ZBTB16: variants seen among roughly 807,000 people sequenced by gnomAD.
The protein encoded by ZBTB16 is zinc finger and BTB domain-containing protein 16.
Under a neutral mutation model 56.8 loss-of-function variants are expected in ZBTB16, and 8 were observed. The observed-to-expected ratio is 0.14, with a 90% confidence interval of 0.08 to 0.25. The LOEUF (loss-of-function observed/expected upper bound fraction) is 0.25. ZBTB16 is among the 10% of genes least tolerant of loss of function. ZBTB16 has a pLI of 1.00. For synonymous variants in ZBTB16, 363 were observed against 368.5 expected (o/e 0.98, Z 0.17); for missense variants, 625 against 903.0 (o/e 0.69, Z 3.95).
chr11:114,097,868 T>C (rs1311300480), intron 2 of ZBTB16, among the ~76,000 whole-genome samples: 1 of 152,210 alleles, frequency 6.6e-6, no homozygotes, highest in East Asian at 1.9e-4. Flanking sequence ...AATAATTAAA[T>C]AATATCTGTG....
rs752084825 is a variant in ZBTB16 at position 114,156,334 on chromosome 11, C to T, written c.1269-3C>T. On this transcript the variant is annotated splice_region_variant and splice_polypyrimidine_tract_variant and intron_variant, in intron 2 of 6. Transcript: ENST00000335953. The stretch of plus-strand genomic sequence containing the variant: ...GCAACCTCTCTTTTCCTTTCCCTTA[C>T]AGGAAGCTGCACAGTGGGATGAAGA... The T allele has an allele frequency of 9.9e-6, 16 of 1,614,088 alleles. No individual in the cohort carries two copies. Among genetic ancestry groups the T allele is most frequent in the Admixed American group, 8.3e-5 (5 of 60,010 alleles).
rs1944953700 is a variant in ZBTB16 at position 114,253,646 on chromosome 11, C to T, written c.*3091C>T. ...AGGGGAGTGTGGTTTCTGAGGGCTA[C>T]TGTCTGGGGACACCTCTGAACTTAC... On this transcript the variant is annotated 3_prime_UTR_variant, in exon 7 of 7. Transcript: ENST00000335953. Among the ~76,000 whole-genome samples the T allele has an allele frequency of 6.6e-6, 1 of 152,206 alleles. No homozygotes were observed. Among genetic ancestry groups the T allele is most frequent in the African/African-American group, 2.4e-5 (1 of 41,460 alleles).
In ZBTB16 at chr11:114,183,537, G is replaced by A. The variant is rs190273796; in HGVS notation, c.1367-3415G>A. Among the ~76,000 whole-genome samples the A allele has an allele frequency of 6.2e-3, 947 of 152,348 alleles. 29 individuals carry two copies. The highest frequency in any genetic ancestry group is 0.056 in the Admixed American group (864 of 15,306). On this transcript the variant is annotated intron_variant, in intron 3 of 6. Transcript: ENST00000335953. ...GCGCCACATCCCTTGGAAGCCTGTG[G>A]CATGGTGGGCTTCTCGCCGATTGGA...
intron 4 of ZBTB16, among the ~76,000 whole-genome samples, chr11:114,215,069 T>C (rs1944070008): frequency 6.6e-6 from 1 of 151,852 alleles, no homozygotes; most frequent in African/African-American, 2.4e-5. Flanking sequence ...CTGTGTCCAG[T>C]TAATTGAATT....
At chr11:114,139,839 G>A (rs1295795243) in intron 2 of ZBTB16, among the ~76,000 whole-genome samples, 1 of 152,208 alleles carries the variant, frequency 6.6e-6, no homozygotes, top group African/African-American at 2.4e-5. Context: ...ATGGGCGGCT[G>A]TGGAGGAGGC....
intron 3 of ZBTB16, among the ~76,000 whole-genome samples, chr11:114,165,950 ATTTCACATGC>A (rs1252489082): frequency 5.9e-5 from 9 of 152,152 alleles, no homozygotes; most frequent in Non-Finnish European, 1.3e-4. Flanking sequence ...ACATCATGGT[ATTTCACATGC>A]TCTTCTCAGT....
chr11:114,209,989 C>A (rs946992618), intron 4 of ZBTB16: 2 of 982,720 alleles, frequency 2.0e-6, no homozygotes, highest in Admixed American at 1.2e-4. Context: ...AGACTTCAGA[C>A]AAGTTGCTTG....
At chr11:114,239,219 G>A (rs1266474788) in intron 4 of ZBTB16, among the ~76,000 whole-genome samples, 2 of 152,204 alleles carry the variant, frequency 1.3e-5, no homozygotes, top group African/African-American at 4.8e-5. Context: ...TATAGGCTGA[G>A]ATGTCCTATT....
At chr11:114,136,906 A>G (rs937778458) in intron 2 of ZBTB16, among the ~76,000 whole-genome samples, 1 of 152,078 alleles carries the variant, frequency 6.6e-6, no homozygotes, top group African/African-American at 2.4e-5. Flanking sequence ...CACATGTCCT[A>G]TACTCACACT....
chr11:114,075,079 G>C (rs944845985), intron 2 of ZBTB16, among the ~76,000 whole-genome samples: 1 of 152,188 alleles, frequency 6.6e-6, no homozygotes, highest in Non-Finnish European at 1.5e-5. Flanking sequence ...CTGTTGCTGG[G>C]AGTGGGTGGA....
intron 2 of ZBTB16, among the ~76,000 whole-genome samples, chr11:114,087,242 T>A (rs1939988021): frequency 6.6e-6 from 1 of 152,248 alleles, no homozygotes; most frequent in Non-Finnish European, 1.5e-5. Flanking sequence ...TTACCAGTTC[T>A]CCTGTCTCTC....
intron 2 of ZBTB16, among the ~76,000 whole-genome samples, chr11:114,068,154 G>A (rs1039629721): frequency 1.3e-5 from 2 of 151,798 alleles, no homozygotes; most frequent in Non-Finnish European, 2.9e-5. Flanking sequence ...CAGGCTACAG[G>A]GTTTATTTTA....
rs1944962826 is a variant in ZBTB16, at chr11:114,254,186, T to TAC, written c.*3632_*3633insCA. 6.8e-6 allele frequency among the ~76,000 whole-genome samples: 1 copy of TAC among 147,516 alleles called. No individual in the cohort carries two copies. The highest frequency in any genetic ancestry group is 1.5e-5 in the Non-Finnish European group (1 of 65,412). On this transcript the variant is annotated 3_prime_UTR_variant, in exon 7 of 7. Transcript: ENST00000335953. ...AGACAAATATATAGATATATAGATA[T>TAC]ATATATATATAGCAAGAGATTGATA...
chr11:114,095,405 C>T (rs1475369615), intron 2 of ZBTB16, among the ~76,000 whole-genome samples: 1 of 151,706 alleles, frequency 6.6e-6, no homozygotes, highest in East Asian at 1.9e-4. Context: ...GGACTACAGG[C>T]GCCCGCCACC....
At chr11:114,168,030 A>G (rs1302149714) in intron 3 of ZBTB16, among the ~76,000 whole-genome samples, 1 of 152,034 alleles carries the variant, frequency 6.6e-6, no homozygotes, top group African/African-American at 2.4e-5. Flanking sequence ...ATCCCCTCTT[A>G]TGGCACCTGT....
intron 2 of ZBTB16, among the ~76,000 whole-genome samples, chr11:114,142,547 C>T (rs563966919): frequency 1.2e-4 from 18 of 152,284 alleles, no homozygotes; most frequent in Middle Eastern, 3.4e-3. Context: ...TGGAATTTAT[C>T]GCTGTTGTCA....
chr11:114,203,052 C>T (rs1056755807), intron 4 of ZBTB16, among the ~76,000 whole-genome samples: 1 of 152,062 alleles, frequency 6.6e-6, no homozygotes. Context: ...TGGAAACTAC[C>T]CAATTGCCTA....
At chr11:114,183,086 C>G (rs1307055549) in intron 3 of ZBTB16, among the ~76,000 whole-genome samples, 1 of 149,692 alleles carries the variant, frequency 6.7e-6, no homozygotes, top group African/African-American at 2.5e-5. Flanking sequence ...TGTCTTTGCT[C>G]TCACCCTGGA....
intron 4 of ZBTB16, among the ~76,000 whole-genome samples, chr11:114,239,412 TA>T (rs904873390): frequency 6.6e-6 from 1 of 152,014 alleles, no homozygotes; most frequent in Non-Finnish European, 1.5e-5. Context: ...GGGTGGGGGT[TA>T]AGGGCAGAGA....
Sources: gnomAD v4.1 joint callset for allele counts (sites outside exome capture counted in the v4.1 genomes callset) on GRCh38, gnomAD v4.1.1 for gene constraint, MANE v1.5 for transcripts, NCBI Gene and HGNC (gene_info 2026-07-23, HGNC 2026-07-21) for gene names.